SLIT3: variants seen among roughly 807,000 people sequenced by gnomAD.
SLIT3 encodes the protein slit guidance ligand 3.
Under a neutral mutation model 184.0 loss-of-function variants are expected in SLIT3, and 68 were observed. That is an observed-to-expected ratio of 0.37 (90% CI 0.30 to 0.45). The LOEUF (loss-of-function observed/expected upper bound fraction) is 0.45. Among genes scored for constraint, SLIT3 ranks in the 20% least tolerant of loss-of-function variants. The probability of loss-of-function intolerance (pLI) is 1.00; values close to 1 mark genes in which losing one functional copy is unlikely to be tolerated. For synonymous variants in SLIT3, 831 were observed against 828.6 expected (o/e 1.00, Z -0.05); for missense variants, 1,707 against 2,026.0 (o/e 0.84, Z 3.02).
intron 23 of SLIT3, among the ~76,000 whole-genome samples, chr5:168,719,212 C>T (rs545923524): frequency 6.6e-6 from 1 of 152,060 alleles, no homozygotes; most frequent in African/African-American, 2.4e-5. Context: ...TCACTATGCC[C>T]GGCTAATTTT....
At chr5:169,125,340 C>T (rs1761043244) in intron 4 of SLIT3, among the ~76,000 whole-genome samples, 1 of 152,334 alleles carries the variant, frequency 6.6e-6, no homozygotes, top group African/African-American at 2.4e-5. Context: ...AATCACTGCA[C>T]CCGGCCGCAA....
At chr5:168,957,780 G>C (rs10214097) in intron 4 of SLIT3, among the ~76,000 whole-genome samples, 62,743 of 151,702 alleles carry the variant, frequency 0.41, 13,324 homozygotes, top group African/African-American at 0.53. Flanking sequence ...TGTTGGGGGC[G>C]GGAGGGCCAC....
chr5:168,683,717 T>A (rs1354127248), intron 32 of SLIT3, among the ~76,000 whole-genome samples: 2 of 152,214 alleles, frequency 1.3e-5, no homozygotes, highest in Non-Finnish European at 2.9e-5. Context: ...GCTGCCTGTT[T>A]ATCTTATGGT....
chr5:169,065,874 A>G (rs1758334673), intron 4 of SLIT3, among the ~76,000 whole-genome samples: 1 of 152,226 alleles, frequency 6.6e-6, no homozygotes, highest in South Asian at 2.1e-4. Context: ...TGAGTAGAAA[A>G]TTAGGTATCA....
At chr5:168,690,630 G>T (rs78630593) in intron 29 of SLIT3, among the ~76,000 whole-genome samples, 1 of 152,152 alleles carries the variant, frequency 6.6e-6, no homozygotes, top group African/African-American at 2.4e-5. Flanking sequence ...GTCAAATCAG[G>T]GGGGTGGAAG....
Position 168,799,800 on chromosome 5 carries a change from C to T in SLIT3, c.936-4222G>A, listed in dbSNP as rs77786593. ...GCTCAAATTATTTTTTTCAACAGTA[C>T]TATGAACCAAGTAGTATTATTAATG... On this transcript the variant is annotated intron_variant, in intron 9 of 35. Transcript: ENST00000519560. Among the ~76,000 whole-genome samples, 689 of 152,136 alleles carry T rather than the reference C, an allele frequency of 4.5e-3. 5 individuals carry two copies. Among genetic ancestry groups the T allele is most frequent in the African/African-American group, 0.016 (652 of 41,496 alleles).
intron 3 of SLIT3, among the ~76,000 whole-genome samples, chr5:169,208,111 AG>A (rs1246806762): frequency 1.7e-4 from 26 of 152,254 alleles, no homozygotes; most frequent in Middle Eastern, 3.2e-3. Context: ...TCTGCCTCAA[AG>A]AATTCATAGT....
chr5:169,289,405 G>C (rs911728456), intron 1 of SLIT3, among the ~76,000 whole-genome samples: 1 of 152,238 alleles, frequency 6.6e-6, no homozygotes, highest in African/African-American at 2.4e-5. Flanking sequence ...GATCATCACT[G>C]CTGCGCTTTT....
intron 4 of SLIT3, among the ~76,000 whole-genome samples, chr5:169,083,920 T>C (rs531711371): frequency 6.5e-4 from 99 of 152,310 alleles, no homozygotes; most frequent in Non-Finnish European, 2.6e-4. Flanking sequence ...CTTGCCTTTC[T>C]TAGTAAACCT....
At chr5:169,127,900 A>G (rs954119777) in intron 4 of SLIT3, among the ~76,000 whole-genome samples, 1 of 152,226 alleles carries the variant, frequency 6.6e-6, no homozygotes, top group African/African-American at 2.4e-5. Context: ...AAAAATGTTT[A>G]TAACATTTGA....
At position 168,933,592 on chromosome 5, in the gene SLIT3, T is replaced by G. The variant is rs995036119; in HGVS notation, c.414-50256A>C. ...AGAGGAGGTAAGAACTGTGATTCCC[T>G]TTTTAAGTATGAGGAAATTGAGGCT... On this transcript the variant is annotated intron_variant, in intron 4 of 35. Coordinates refer to ENST00000519560, the MANE Select transcript of SLIT3 (RefSeq NM_003062.4). Among the ~76,000 whole-genome samples the G allele has an allele frequency of 3.3e-5, 5 of 152,150 alleles. No homozygotes were observed. The East Asian group carries it at 9.6e-4, about 29-fold the overall frequency.
intron 1 of SLIT3, among the ~76,000 whole-genome samples, chr5:169,279,185 C>T (rs1419863072): frequency 2.0e-5 from 3 of 152,166 alleles, no homozygotes; most frequent in African/African-American, 7.2e-5. Flanking sequence ...AATACTTTAC[C>T]TGTGTGTAAC....
intron 1 of SLIT3, among the ~76,000 whole-genome samples, chr5:169,287,974 A>C (rs1223549703): frequency 6.6e-6 from 1 of 152,194 alleles, no homozygotes; most frequent in East Asian, 1.9e-4. Context: ...ATGCTTAGGC[A>C]AACTTGCCCA....
intron 1 of SLIT3, among the ~76,000 whole-genome samples, chr5:169,296,035 G>T (rs761876827): frequency 6.6e-6 from 1 of 152,164 alleles, no homozygotes; most frequent in Non-Finnish European, 1.5e-5. Flanking sequence ...TCACTCAACA[G>T]GAGTCCTTGG....
intron 4 of SLIT3, among the ~76,000 whole-genome samples, chr5:169,025,976 A>T (rs1756806704): frequency 6.6e-6 from 1 of 152,046 alleles, no homozygotes; most frequent in Non-Finnish European, 1.5e-5. Context: ...TGAGTGGCTA[A>T]TTTCCCAAAT....
chr5:169,134,170 T>C (rs551398975), intron 4 of SLIT3, among the ~76,000 whole-genome samples: 1 of 152,344 alleles, frequency 6.6e-6, no homozygotes, highest in South Asian at 2.1e-4. Context: ...TCTCTCAACA[T>C]GGTAGCCAAC....
At chr5:168,757,291 C>T (rs904818612) in intron 16 of SLIT3, among the ~76,000 whole-genome samples, 1 of 152,224 alleles carries the variant, frequency 6.6e-6, no homozygotes. Context: ...TCTGTACTGT[C>T]TAGCGCAGGG....
intron 4 of SLIT3, among the ~76,000 whole-genome samples, chr5:168,895,183 GA>G (rs1331465672): frequency 1.3e-5 from 2 of 152,166 alleles, no homozygotes; most frequent in Non-Finnish European, 2.9e-5. Context: ...TGATCATGAA[GA>G]AAGGATTCTT....
intron 20 of SLIT3, among the ~76,000 whole-genome samples, chr5:168,733,028 A>G (rs1210398673): frequency 1.3e-5 from 2 of 152,180 alleles, no homozygotes; most frequent in Non-Finnish European, 2.9e-5. Flanking sequence ...GACAACCTGC[A>G]GGATGGGAAA....
Sources: gnomAD v4.1 joint callset for allele counts (sites outside exome capture counted in the v4.1 genomes callset) on GRCh38, gnomAD v4.1.1 for gene constraint, MANE v1.5 for transcripts, NCBI Gene and HGNC (gene_info 2026-07-23, HGNC 2026-07-21) for gene names.